The following SARDH variants were observed in gnomAD, a reference collection of about 807,000 sequenced individuals.
The protein encoded by SARDH is sarcosine dehydrogenase, mitochondrial.
In SARDH, 95 loss-of-function variants were observed where a neutral mutation model predicts 109.1. The ratio of observed to expected loss-of-function variants is 0.87; its 90% CI spans 0.74 to 1.03. SARDH has a LOEUF of 1.03. SARDH is among the 50% of genes least tolerant of loss of function. The probability of loss-of-function intolerance (pLI) is 0.00; values close to 1 mark genes in which losing one functional copy is unlikely to be tolerated. For synonymous variants in SARDH, 572 were observed against 534.8 expected, an observed-to-expected ratio of 1.07 and a Z score of -0.96; for missense variants, 1,267 against 1,287.8, an observed-to-expected ratio of 0.98 and a Z score of 0.25.
intron 19 of SARDH, among the ~76,000 whole-genome samples, chr9:133,668,347 C>CTCCCCCTCCCTCTCCCTCTCCCT (rs1830159629): frequency 8.3e-6 from 1 of 121,102 alleles, no homozygotes; most frequent in Non-Finnish European, 1.8e-5. Flanking sequence ...CTCATTCTCC[C>CTCCCCCTCCCTCTCCCTCTCCCT]TCACCCTCCC....
In SARDH at chr9:133,719,027, G is replaced by T. The variant is rs776932836; in HGVS notation, c.931C>A (p.Arg311Ser). The T allele has an allele frequency of 1.9e-6, 3 of 1,614,094 alleles. No homozygotes were observed. In the East Asian group the frequency reaches 6.7e-5, roughly 36 times the overall value. The change falls in exon 7 of 21, where the codon CGT becomes AGT. Residue 311 changes from arginine to serine, a missense_variant. Transcript: ENST00000439388. ...IEGIQNMPNV[R>S]DHDASVYLRL... is the part of the protein sequence containing the mutation. ...AGGTAGACAGAGGCATCATGATCACGGACATTGGGCATGTTCTGGAAGGCA... is the reference window on the plus strand; with the variant it reads ...AGGTAGACAGAGGCATCATGATCACTGACATTGGGCATGTTCTGGAAGGCA...
intron 17 of SARDH, 59 bp downstream of exon 17, chr9:133,685,134 G>T: frequency 7.0e-7 from 1 of 1,438,214 alleles, no homozygotes. Flanking sequence ...ATCCCCCGGC[G>T]CACCCCTCAC....
rs569972955 is a variant in SARDH, at chr9:133,714,554, G to A, written c.1151-1430C>T. Among the ~76,000 whole-genome samples the A allele has an allele frequency of 4.6e-5, 7 of 152,306 alleles. No homozygotes were observed. The East Asian group carries it at 1.3e-3, about 29-fold the overall frequency. On this transcript the variant is annotated intron_variant, in intron 8 of 20. Transcript: ENST00000439388. ...AGTACTTTGGGAGGCCAAGGCAGGC[G>A]GATGTCTGGAGCCCAGGAGCTCAGG...
intron 19 of SARDH, among the ~76,000 whole-genome samples, chr9:133,667,975 C>T (rs201405044): frequency 8.5e-5 from 13 of 152,102 alleles, no homozygotes; most frequent in Admixed American, 2.6e-4. Flanking sequence ...TCCAGAGCCG[C>T]GGCGCAGGGC....
chr9:133,731,935 CAGAT>C (rs1342578011), intron 3 of SARDH, among the ~76,000 whole-genome samples: 2 of 152,172 alleles, frequency 1.3e-5, no homozygotes, highest in Non-Finnish European at 2.9e-5. Context: ...TTCAGACTGT[CAGAT>C]AGACCACGCC....
intron 16 of SARDH, among the ~76,000 whole-genome samples, chr9:133,687,706 A>G (rs984882972): frequency 4.6e-5 from 7 of 152,168 alleles, no homozygotes; most frequent in Non-Finnish European, 1.5e-5. Flanking sequence ...CCACTCAGTT[A>G]TGGAGCATTT....
At chr9:133,727,061 C>G (rs1832517403) in intron 6 of SARDH, among the ~76,000 whole-genome samples, 1 of 152,184 alleles carries the variant, frequency 6.6e-6, no homozygotes. Context: ...CAGCTCTGCC[C>G]ACGGATGGAG....
At chr9:133,659,762 C>T (rs112716851), downstream of SARDH, among the ~76,000 whole-genome samples, 7 of 152,220 alleles carry the variant, frequency 4.6e-5, no homozygotes, top group African/African-American at 1.2e-4. Flanking sequence ...ACGGCGCTAG[C>T]GCTGTGAAAT....
chr9:133,688,838 G>GT (rs1483446169), intron 16 of SARDH, among the ~76,000 whole-genome samples: 2 of 152,238 alleles, frequency 1.3e-5, no homozygotes, highest in Non-Finnish European at 2.9e-5. Flanking sequence ...TCTATGAGCA[G>GT]CCTCAAGTCA....
rs1830880710 is a variant in SARDH, at chr9:133,686,214, C to T, written c.2070-928G>A. On this transcript the variant is annotated intron_variant, in intron 16 of 20. Coordinates refer to ENST00000439388, the MANE Select transcript of SARDH (RefSeq NM_001134707.2). The surrounding 1 kb of genome is among the most constrained non-coding windows in gnomAD (Gnocchi z 4.0). ...TCCCCACTTTCCCTGCTCCGTGGTA[C>T]CCAGCACCACATCTACTCTCACACT... 6.6e-6 allele frequency among the ~76,000 whole-genome samples: 1 copy of T among 152,028 alleles called. No individual in the cohort carries two copies. The highest frequency in any genetic ancestry group is 2.4e-5 in the African/African-American group (1 of 41,378).
chr9:133,671,806 G>T, intron 17 of SARDH, 109 bp from the exon 18 acceptor site: 2 of 1,352,428 alleles, frequency 1.5e-6, no homozygotes, highest in East Asian at 5.1e-5. Flanking sequence ...ATTATCAGCT[G>T]GCCCTGGGTC....
chr9:133,735,053 G>A (rs537360156), intron 1 of SARDH, among the ~76,000 whole-genome samples: 204 of 152,282 alleles, frequency 1.3e-3, no homozygotes, highest in African/African-American at 4.5e-3. Context: ...CAGAGAGCCA[G>A]GAGGAGGGAG....
chr9:133,729,703 ATT>A, intron 6 of SARDH, 60 bp downstream of exon 6: 1 of 1,468,540 alleles, frequency 6.8e-7, no homozygotes, highest in Non-Finnish European at 9.4e-7. Context: ...TCAAGCTGGG[ATT>A]CAGAGCCAGG....
At chr9:133,685,130 C>A in intron 17 of SARDH, 63 bp downstream of exon 17, 1 of 1,432,732 alleles carries the variant, frequency 7.0e-7, no homozygotes, top group Non-Finnish European at 9.6e-7. Flanking sequence ...CCAGATCCCC[C>A]GGCGCACCCC....
chr9:133,735,377 C>T (rs1832848865), intron 1 of SARDH, among the ~76,000 whole-genome samples: 1 of 152,226 alleles, frequency 6.6e-6, no homozygotes, highest in Admixed American at 6.5e-5. Context: ...CCTCCTCCTT[C>T]AGGAAACCCT....
chr9:133,685,290 C>T lies in SARDH; in HGVS notation c.2070-4G>A. The T allele has an allele frequency of 1.9e-6, 3 of 1,612,674 alleles. No homozygotes were observed. Among genetic ancestry groups the T allele is most frequent in the East Asian group, 4.5e-5 (2 of 44,876 alleles). ...CACCTCCTGCAAAATGGCTCGGCTGCAGGCAAGAGCAAAGTCGCTCAGTCA... is the reference window on the plus strand; with the variant it reads ...CACCTCCTGCAAAATGGCTCGGCTGTAGGCAAGAGCAAAGTCGCTCAGTCA... On this transcript the variant is annotated splice_region_variant and splice_polypyrimidine_tract_variant and intron_variant, in intron 16 of 20. Coordinates refer to ENST00000439388, the MANE Select transcript of SARDH (RefSeq NM_001134707.2).
chr9:133,715,786 G>A (rs1832098849), intron 8 of SARDH, among the ~76,000 whole-genome samples: 1 of 152,196 alleles, frequency 6.6e-6, no homozygotes, highest in Non-Finnish European at 1.5e-5. Context: ...CGCCCCTGTG[G>A]CTTCTGGTCC....
intron 17 of SARDH, among the ~76,000 whole-genome samples, chr9:133,681,788 G>A (rs1364694517): frequency 3.3e-5 from 5 of 152,204 alleles, no homozygotes; most frequent in Admixed American, 1.3e-4. Flanking sequence ...CGGCCGGTGC[G>A]CGGCGTGTTT....
intron 6 of SARDH, among the ~76,000 whole-genome samples, chr9:133,719,378 A>G (rs1832242426): frequency 6.6e-6 from 1 of 152,192 alleles, no homozygotes; most frequent in African/African-American, 2.4e-5. Context: ...AGGCAGCAGT[A>G]GAGGATGGGA....
Sources: gnomAD v4.1 joint callset for allele counts (sites outside exome capture counted in the v4.1 genomes callset) on GRCh38, gnomAD v4.1.1 for gene constraint, Gnocchi (gnomAD v3.1) non-coding constraint, MANE v1.5 for transcripts, NCBI Gene and HGNC (gene_info 2026-07-23, HGNC 2026-07-21) for gene names.